Variants in TTC34 observed in about 807,000 individuals in gnomAD.
TTC34 encodes the protein tetratricopeptide repeat domain 34.
A neutral mutation model predicts 40.7 loss-of-function variants in TTC34; 44 were observed. That is an observed-to-expected ratio of 1.08 (90% confidence interval 0.85 to 1.39). The LOEUF is 1.39. Ranked by LOEUF, TTC34 falls within the 40% of genes most tolerant of loss-of-function variation. TTC34 has a pLI of 0.00. For missense variants in TTC34, 884 were observed against 838.0 expected, an observed-to-expected ratio of 1.05 and a Z score of -0.68; for synonymous variants, 422 against 398.6, an observed-to-expected ratio of 1.06 and a Z score of -0.70.
chr1:2,753,038 T>A (rs1641376918), intron 6 of TTC34, among the ~76,000 whole-genome samples: 6 of 150,038 alleles, frequency 4.0e-5, no homozygotes, highest in African/African-American at 1.2e-4. Flanking sequence ...TCCGACAGCC[T>A]GGAGCAGCAC....
At chr1:2,801,216 C>T (rs1437760257) in intron 1 of TTC34, among the ~76,000 whole-genome samples, 1 of 152,080 alleles carries the variant, frequency 6.6e-6, no homozygotes, top group Non-Finnish European at 1.5e-5. Flanking sequence ...GCAATAGGAA[C>T]CCCGGACCCA....
At chr1:2,684,275 C>T (rs1441531241) in intron 6 of TTC34, among the ~76,000 whole-genome samples, 14 of 145,238 alleles carry the variant, frequency 9.6e-5, no homozygotes, top group African/African-American at 3.4e-4. Context: ...GGAACCCACG[C>T]CCACAGGCAA....
At chr1:2,688,047 C>A (rs543023650) in intron 6 of TTC34, among the ~76,000 whole-genome samples, 8 of 139,712 alleles carry the variant, frequency 5.7e-5, no homozygotes, top group African/African-American at 1.4e-4. Context: ...GCACCCACAC[C>A]CCCAGGTAAG....
At chr1:2,685,240 C>CT (rs371041549) in intron 6 of TTC34, among the ~76,000 whole-genome samples, 8 of 23,100 alleles carry the variant, frequency 3.5e-4, no homozygotes, top group South Asian at 2.8e-3. Context: ...CACCCACACC[C>CT]CAGGTGAGCA....
At chr1:2,652,911 G>C (rs1639199618) in intron 6 of TTC34, among the ~76,000 whole-genome samples, 1 of 152,134 alleles carries the variant, frequency 6.6e-6, no homozygotes, top group Non-Finnish European at 1.5e-5. Context: ...CGGAGAGTCT[G>C]GAGCAGCGCC....
chr1:2,755,627 A>T (rs1641478467), intron 6 of TTC34, among the ~76,000 whole-genome samples: 1 of 124,664 alleles, frequency 8.0e-6, no homozygotes. Flanking sequence ...CCACACACCC[A>T]GGTGCGCATC....
chr1:2,797,547 CTG>C (rs981992303), intron 2 of TTC34, among the ~76,000 whole-genome samples: 1 of 152,184 alleles, frequency 6.6e-6, no homozygotes, highest in African/African-American at 2.4e-5. Flanking sequence ...GCTCAAAGGA[CTG>C]TGTGTAAAGC....
chr1:2,748,140 T>A (rs1356891681), intron 6 of TTC34, among the ~76,000 whole-genome samples: 1 of 56,524 alleles, frequency 1.8e-5, no homozygotes, highest in Non-Finnish European at 3.0e-5. Flanking sequence ...GCATCTGAAC[T>A]CATGGAGCAG....
chr1:2,785,770 CT>C, intron 5 of TTC34, 48 bp downstream of exon 5: 1 of 1,514,340 alleles, frequency 6.6e-7, no homozygotes, highest in African/African-American at 1.4e-5. Context: ...CCCATGTCCC[CT>C]GTGCCTGGCA....
intron 6 of TTC34, among the ~76,000 whole-genome samples, chr1:2,687,812 G>A (rs1223550992): frequency 8.5e-5 from 12 of 141,172 alleles, no homozygotes; most frequent in Non-Finnish European, 1.7e-4. Flanking sequence ...CACACCTCCA[G>A]GTGAGCATCT....
At chr1:2,649,367 G>GT (rs1481311921) in intron 6 of TTC34, among the ~76,000 whole-genome samples, 1 of 151,806 alleles carries the variant, frequency 6.6e-6, no homozygotes, top group Non-Finnish European at 1.5e-5. Context: ...CCCCAGTTAG[G>GT]TGAGAATCTG....
At chr1:2,755,265 CT>C (rs1641467099) in intron 6 of TTC34, among the ~76,000 whole-genome samples, 1 of 49,796 alleles carries the variant, frequency 2.0e-5, no homozygotes, top group Non-Finnish European at 3.3e-5. Context: ...CCCACACCCC[CT>C]GATGAGCATC....
intron 6 of TTC34, among the ~76,000 whole-genome samples, chr1:2,682,625 ACGCCCC>A (rs1640129959): frequency 6.8e-6 from 1 of 147,270 alleles, no homozygotes; most frequent in Admixed American, 6.8e-5. Flanking sequence ...AGCAGCACCC[ACGCCCC>A]CAGGCGAGCA....
intron 6 of TTC34, among the ~76,000 whole-genome samples, chr1:2,691,066 G>T (rs1569587219): frequency 2.4e-5 from 2 of 82,616 alleles, no homozygotes; most frequent in Non-Finnish European, 3.0e-5. Flanking sequence ...CACAAACCCA[G>T]GTGAGCATCT....
At chr1:2,642,186 C>T (rs1638920724) in intron 8 of TTC34, among the ~76,000 whole-genome samples, 1 of 152,218 alleles carries the variant, frequency 6.6e-6, no homozygotes, top group East Asian at 1.9e-4. Flanking sequence ...TCCTTGCCCA[C>T]TGCTCTTCTC....
At chr1:2,688,501 G>C (rs1287169211) in intron 6 of TTC34, among the ~76,000 whole-genome samples, 2 of 132,224 alleles carry the variant, frequency 1.5e-5, no homozygotes, top group African/African-American at 3.4e-5. Flanking sequence ...CCACAGGTGA[G>C]CATCTGACAG....
At chr1:2,783,437 A>T (rs180770441) in intron 6 of TTC34, among the ~76,000 whole-genome samples, 172 bp downstream of exon 6, 16 of 152,264 alleles carry the variant, frequency 1.1e-4, no homozygotes, top group Admixed American at 9.8e-4. Context: ...GTTTGTGGGG[A>T]CCCGGCTCCC....
chr1:2,645,570 G>T lies in TTC34; in HGVS notation c.2227-7C>A. The T allele has an allele frequency of 1.4e-6, 2 of 1,418,340 alleles. No individual in the cohort carries two copies. Among genetic ancestry groups the T allele is most frequent in the South Asian group, 3.0e-5 (2 of 66,686 alleles). The allele number at this position is 1,418,340 out of a possible 1,614,324, so 87.9% of individuals were successfully genotyped here. A position where few individuals can be genotyped will look rare whatever the true frequency, so the allele number is the denominator to read the frequency against. ...CGATGTCGTCCACGGCTTCCTGCAA[G>T]GAGGGAGGGCGGGCGGGTGCAGAGT... is the stretch of plus-strand genomic sequence containing the variant. On this transcript the variant is annotated splice_region_variant and splice_polypyrimidine_tract_variant and intron_variant, in intron 6 of 8. Coordinates refer to ENST00000401095, the Ensembl canonical transcript of TTC34. This position sits in a 1 kb window ranked among gnomAD's most constrained non-coding sequence, Gnocchi z 4.7.
rs573754610 is a variant in TTC34 at position 2,695,043 on chromosome 1, A to G, written c.2227-49480T>C. Among the ~76,000 whole-genome samples the G allele has an allele frequency of 1.9e-4, 28 of 147,260 alleles. 1 individual carries two copies. The highest frequency in any genetic ancestry group is 1.6e-3 in the Admixed American group (24 of 14,830). On this transcript the variant is annotated intron_variant, in intron 6 of 8. Transcript: ENST00000401095. ...GAACAGCACCCTGCACCCCCAGGTG[A>G]GCATCTGACACACTGAAACAGCACA...
Sources: gnomAD v4.1 joint callset for allele counts (sites outside exome capture counted in the v4.1 genomes callset) on GRCh38, gnomAD v4.1.1 for gene constraint, Gnocchi (gnomAD v3.1) non-coding constraint, MANE v1.5 for transcripts, NCBI Gene and HGNC (gene_info 2026-07-23, HGNC 2026-07-21) for gene names.